FCF1: variants seen among roughly 807,000 people sequenced by gnomAD.
FCF1 encodes FCF1 rRNA-processing protein, also known as rRNA-processing protein FCF1 homolog.
In FCF1, 17 loss-of-function variants were observed where a neutral mutation model predicts 32.5. The ratio of observed to expected loss-of-function variants is 0.52; its 90% CI spans 0.36 to 0.78. The LOEUF (loss-of-function observed/expected upper bound fraction) is 0.78. Among genes scored for constraint, FCF1 ranks in the 30% least tolerant of loss-of-function variants. FCF1 has a pLI of 0.00. For missense variants in FCF1, 201 were observed against 241.1 expected, an observed-to-expected ratio of 0.83 and a Z score of 1.10; for synonymous variants, 84 against 78.4, an observed-to-expected ratio of 1.07 and a Z score of -0.38.
At position 74,714,915 on chromosome 14, in the gene FCF1, G is replaced by A. The variant is rs1189469468; in HGVS notation, c.115G>A (p.Asp39Asn). 6.3e-7 allele frequency: 1 copy of A among 1,598,298 alleles called. No individual in the cohort carries two copies. Among genetic ancestry groups the A allele is most frequent in the East Asian group, 2.2e-5 (1 of 44,560 alleles). Residue 39 changes from aspartate to asparagine, a missense_variant, in exon 3 of 8, where the codon GAT (aspartate) becomes AAT (asparagine). Around this residue, in one of 3 missense-constraint regions of FCF1, gnomAD observed 76 missense variants for 75.0 expected, o/e 1.01. Transcript: ENST00000341162. ...RLKPKKKEKK[D>N]PSALKEREVP... is the part of the protein sequence containing the mutation. Reference sequence around the variant, plus strand: ...AAAACCTAAAAAGAAAGAAAAGAAGGATCCCAGCGCATTAAAGGAAAGAGA... The same window carrying A: ...AAAACCTAAAAAGAAAGAAAAGAAGAATCCCAGCGCATTAAAGGAAAGAGA...
At chr14:74,724,777 C>T (rs2090553060) in intron 5 of FCF1, among the ~76,000 whole-genome samples, 1 of 151,978 alleles carries the variant, frequency 6.6e-6, no homozygotes, top group Non-Finnish European at 1.5e-5. Flanking sequence ...TGGTGGCATA[C>T]ACCTGTAGTC....
Position 74,723,326 on chromosome 14 carries a change from A to T in FCF1, c.347A>T (p.Lys116Met), listed in dbSNP as rs758660817. Residue 116 changes from lysine (K) to methionine (M), a missense_variant, in exon 5 of 8, where the codon AAG becomes ATG. Physicochemically the swap from Lys to Met is moderately conservative, Grantham distance 95. Around this residue, in one of 3 missense-constraint regions of FCF1, gnomAD observed 121 missense variants for 147.8 expected, o/e 0.82. Coordinates refer to ENST00000341162, the MANE Select transcript of FCF1 (RefSeq NM_015962.5). ...VMAEIEKLGQ[K>M]YRVALRIAKD... ...GCTGAAATTGAGAAATTGGGGCAGAAGTATCGAGTGGCTCTAAGGTAGGAA... is the reference window on the plus strand; with the variant it reads ...GCTGAAATTGAGAAATTGGGGCAGATGTATCGAGTGGCTCTAAGGTAGGAA... The T allele has an allele frequency of 6.2e-7, 1 of 1,613,424 alleles. No individual in the cohort carries two copies.
intron 2 of FCF1, among the ~76,000 whole-genome samples, chr14:74,714,614 A>G (rs1391098871): frequency 6.6e-6 from 1 of 152,212 alleles, no homozygotes; most frequent in African/African-American, 2.4e-5. Context: ...TAAATATAGT[A>G]TAATCAGCTT....
chr14:74,732,148 A>T (rs946177250), intron 5 of FCF1, among the ~76,000 whole-genome samples: 3 of 143,190 alleles, frequency 2.1e-5, no homozygotes, highest in African/African-American at 7.8e-5. Flanking sequence ...TATTAATTAA[A>T]TCATATTATA....
chr14:74,719,983 C>G (rs963462672), intron 4 of FCF1, among the ~76,000 whole-genome samples: 1 of 151,852 alleles, frequency 6.6e-6, no homozygotes, highest in Non-Finnish European at 1.5e-5. Context: ...TACTAAAAAT[C>G]CAAAAAAAAT....
At chr14:74,732,704 T>A in intron 5 of FCF1, 27 bp from the exon 6 acceptor site, 4 of 1,466,192 alleles carry the variant, frequency 2.7e-6, no homozygotes, top group Non-Finnish European at 3.8e-6. Flanking sequence ...TCCAGCTGAT[T>A]GAATGTTTTC....
Position 74,722,112 on chromosome 14 carries a change from G to A in FCF1, c.293-1160G>A, listed in dbSNP as rs11848173. Among the ~76,000 whole-genome samples, 989 of 142,116 alleles carry A rather than the reference G, an allele frequency of 7.0e-3. 9 individuals are homozygous for A. Among genetic ancestry groups the A allele is most frequent in the African/African-American group, 0.025 (932 of 38,034 alleles). The allele number at this position is 142,116 out of a possible 152,430, so 93.2% of individuals were successfully genotyped here. A position where few individuals can be genotyped will look rare whatever the true frequency, so the allele number is the denominator to read the frequency against. On this transcript the variant is annotated intron_variant, in intron 4 of 7. Coordinates refer to ENST00000341162, the MANE Select transcript of FCF1 (RefSeq NM_015962.5). ...CACTCAGGCTAGAGTGCAATGGCAC[G>A]ATCTTGGCTCATTGCAACCTCCATC...
At chr14:74,729,038 A>G (rs2090603829) in intron 5 of FCF1, among the ~76,000 whole-genome samples, 1 of 152,220 alleles carries the variant, frequency 6.6e-6, no homozygotes, top group Non-Finnish European at 1.5e-5. Flanking sequence ...ATCAGTGTTC[A>G]TCAAGGATAT....
chr14:74,722,662 C>T (rs1356316488), intron 4 of FCF1, among the ~76,000 whole-genome samples: 1 of 151,952 alleles, frequency 6.6e-6, no homozygotes, highest in Non-Finnish European at 1.5e-5. Context: ...GAGCCAGGCA[C>T]AGTGGCTCAC....
chr14:74,714,992 AG>A, intron 3 of FCF1, 49 bp downstream of exon 3: 1 of 1,535,818 alleles, frequency 6.5e-7, no homozygotes, highest in Non-Finnish European at 8.7e-7. Flanking sequence ...TAGACCTCTT[AG>A]AAATCCAGGC....
At chr14:74,713,340 C>T (rs1357486033) in intron 1 of FCF1, 140 bp downstream of exon 1, 29 of 1,581,360 alleles carry the variant, frequency 1.8e-5, no homozygotes, top group Non-Finnish European at 2.4e-5. Flanking sequence ...CTTCTCCAAG[C>T]GGTGACTGTT....
At position 74,719,381 on chromosome 14, in the gene FCF1, G is replaced by A. The variant is rs140052949; in HGVS notation, c.292+3282G>A. ...CGTAGTCCCAGCAGTTTGGGAGGCCGAGGTGGGAGGAGTTCTGGGCTTGAG... is the reference window on the plus strand; with the variant it reads ...CGTAGTCCCAGCAGTTTGGGAGGCCAAGGTGGGAGGAGTTCTGGGCTTGAG... On this transcript the variant is annotated intron_variant, in intron 4 of 7. Coordinates refer to ENST00000341162, the MANE Select transcript of FCF1 (RefSeq NM_015962.5). Among the ~76,000 whole-genome samples the A allele has an allele frequency of 5.0e-3, 760 of 152,046 alleles. 6 individuals are homozygous for A. Among genetic ancestry groups the A allele is most frequent in the African/African-American group, 0.017 (719 of 41,452 alleles).
At chr14:74,723,436 A>G in intron 5 of FCF1, 92 bp downstream of exon 5, 1 of 894,838 alleles carries the variant, frequency 1.1e-6, no homozygotes, top group African/African-American at 1.7e-5. Context: ...GTTAGTTGTG[A>G]AAATCATACA....
chr14:74,733,308 C>T (rs1397319547), intron 6 of FCF1, among the ~76,000 whole-genome samples: 4 of 152,022 alleles, frequency 2.6e-5, no homozygotes, highest in Non-Finnish European at 5.9e-5. Flanking sequence ...TCATTAAGCA[C>T]CACAAGGACT....
intron 5 of FCF1, among the ~76,000 whole-genome samples, chr14:74,730,322 C>T (rs954808394): frequency 6.6e-6 from 1 of 151,416 alleles, no homozygotes; most frequent in Non-Finnish European, 1.5e-5. Flanking sequence ...AAGTGATCCT[C>T]CTGCTTTGGC....
intron 5 of FCF1, among the ~76,000 whole-genome samples, chr14:74,725,984 C>T (rs989937225): frequency 4.1e-5 from 6 of 147,208 alleles, no homozygotes; most frequent in African/African-American, 1.3e-4. Flanking sequence ...TGTGCCTCTA[C>T]GGAGTTCAAG....
chr14:74,723,207 G>A (rs964020844), intron 4 of FCF1, 65 bp from the exon 5 acceptor site: 32 of 1,161,414 alleles, frequency 2.8e-5, no homozygotes, highest in Non-Finnish European at 3.8e-5. Context: ...CTCTGAGCAG[G>A]GATATAATTC....
chr14:74,734,624 T>C lies in FCF1; in HGVS notation c.549-258T>C, dbSNP rs541280774. 1.7e-4 allele frequency among the ~76,000 whole-genome samples: 26 copies of C among 152,304 alleles called. No individual in the cohort carries two copies. In the South Asian group the frequency reaches 5.4e-3, roughly 32 times the overall value. ...AGAGCACAATGTGGTGGGAAGTCTG[T>C]GGACTAAGAAGTTGGACTTACTGAT... On this transcript the variant is annotated intron_variant, in intron 7 of 7. Coordinates refer to ENST00000341162, the MANE Select transcript of FCF1 (RefSeq NM_015962.5).
intron 4 of FCF1, among the ~76,000 whole-genome samples, chr14:74,719,747 G>A (rs4903260): frequency 0.069 from 10,450 of 152,124 alleles, 1,068 homozygotes; most frequent in African/African-American, 0.22. Flanking sequence ...CCTGGGTGAC[G>A]GAACAAGAAC....
Sources: allele counts gnomAD v4.1 joint callset (sites outside exome capture counted in the v4.1 genomes callset), GRCh38; gene constraint gnomAD v4.1.1; regional missense constraint gnomAD v4.1.1; transcripts MANE v1.5; gene names NCBI Gene and HGNC (gene_info 2026-07-23, HGNC 2026-07-21).